HIPK3: variants seen among roughly 807,000 people sequenced by gnomAD.
The protein encoded by HIPK3 is homeodomain interacting protein kinase 3.
A neutral mutation model predicts 124.2 loss-of-function variants in HIPK3; 47 were observed. The ratio of observed to expected loss-of-function variants is 0.38; its 90% CI spans 0.30 to 0.48. The LOEUF (loss-of-function observed/expected upper bound fraction) is 0.48. Ranked by LOEUF, HIPK3 falls within the 20% of genes least tolerant of loss-of-function variation. The pLI, the probability that HIPK3 is intolerant of heterozygous loss-of-function variation, is 0.98. For synonymous variants in HIPK3, 482 were observed against 515.2 expected, an observed-to-expected ratio of 0.94 and a Z score of 0.87; for missense variants, 1,286 against 1,454.3, an observed-to-expected ratio of 0.88 and a Z score of 1.88.
At chr11:33,320,718 A>G (rs753396139) in intron 2 of HIPK3, among the ~76,000 whole-genome samples, 3 of 152,206 alleles carry the variant, frequency 2.0e-5, no homozygotes, top group Non-Finnish European at 2.9e-5. Context: ...TGATTCTCAC[A>G]GGTTGTGGGC....
chr11:33,305,609 T>C (rs1852133790), intron 2 of HIPK3, among the ~76,000 whole-genome samples: 1 of 152,172 alleles, frequency 6.6e-6, no homozygotes, highest in Admixed American at 6.5e-5. Flanking sequence ...GCTAATAAAC[T>C]GCAGAGCTAT....
intron 2 of HIPK3, among the ~76,000 whole-genome samples, chr11:33,322,148 T>C (rs1480389416): frequency 5.3e-5 from 8 of 152,036 alleles, no homozygotes; most frequent in Admixed American, 3.9e-4. Flanking sequence ...TACAGGCGCT[T>C]GCCACCACAC....
At chr11:33,307,037 C>G (rs1852182112) in intron 2 of HIPK3, among the ~76,000 whole-genome samples, 1 of 150,596 alleles carries the variant, frequency 6.6e-6, no homozygotes, top group African/African-American at 2.4e-5. Context: ...CTTTCCAGTT[C>G]AAGCACTTCT....
At chr11:33,293,669 C>T (rs564149032) in intron 2 of HIPK3, among the ~76,000 whole-genome samples, 2 of 151,686 alleles carry the variant, frequency 1.3e-5, no homozygotes, top group East Asian at 1.9e-4. Flanking sequence ...CGTATACATT[C>T]ATCAGTAGAA....
intron 2 of HIPK3, among the ~76,000 whole-genome samples, chr11:33,287,914 T>C (rs1851599658): frequency 6.6e-6 from 1 of 152,160 alleles, no homozygotes; most frequent in Non-Finnish European, 1.5e-5. Context: ...TAACTGAACA[T>C]TTAGAAAAAT....
At chr11:33,283,736 G>A (rs1200936024) in intron 1 of HIPK3, among the ~76,000 whole-genome samples, 2 of 151,368 alleles carry the variant, frequency 1.3e-5, no homozygotes, top group East Asian at 1.9e-4. Context: ...GTACAGTGGC[G>A]CGATCTCGGC....
At chr11:33,294,756 C>T (rs1253016282) in intron 2 of HIPK3, among the ~76,000 whole-genome samples, 2 of 152,132 alleles carry the variant, frequency 1.3e-5, no homozygotes, top group Admixed American at 1.3e-4. Context: ...CAGTCATCAG[C>T]CACCCAGCTC....
chr11:33,329,683 G>A (rs374743395), intron 3 of HIPK3, among the ~76,000 whole-genome samples: 2 of 152,144 alleles, frequency 1.3e-5, no homozygotes, highest in African/African-American at 4.8e-5. Flanking sequence ...CCTCCTCCAT[G>A]TTCAGAATTC....
At chr11:33,277,823 ACTT>A (rs2133887091) in intron 1 of HIPK3, among the ~76,000 whole-genome samples, 1 of 152,270 alleles carries the variant, frequency 6.6e-6, no homozygotes, top group Non-Finnish European at 1.5e-5. Context: ...ATGTTGTCCT[ACTT>A]CTTTTTGCCA....
At chr11:33,260,732 C>T (rs1468695026) in intron 1 of HIPK3, among the ~76,000 whole-genome samples, 1 of 152,128 alleles carries the variant, frequency 6.6e-6, no homozygotes, top group Non-Finnish European at 1.5e-5. Flanking sequence ...CAAAGATATT[C>T]TAAGGAAATT....
At chr11:33,329,649 A>G (rs1444537103) in intron 3 of HIPK3, among the ~76,000 whole-genome samples, 3 of 152,162 alleles carry the variant, frequency 2.0e-5, no homozygotes, top group Non-Finnish European at 4.4e-5. Flanking sequence ...CTTTTAGGTT[A>G]GGTTTTCCAT....
chr11:33,349,107 TTGTA>T, intron 13 of HIPK3, 36 bp from the exon 14 acceptor site: 1 of 1,588,626 alleles, frequency 6.3e-7, no homozygotes, highest in Non-Finnish European at 8.6e-7. Flanking sequence ...GAGTATCTTC[TTGTA>T]TTTGACTCAT....
At chr11:33,275,348 T>C (rs767706341) in intron 1 of HIPK3, among the ~76,000 whole-genome samples, 1 of 152,068 alleles carries the variant, frequency 6.6e-6, no homozygotes, top group Non-Finnish European at 1.5e-5. Flanking sequence ...AATGAAATGG[T>C]TTAGTATTAT....
chr11:33,341,770 G>A, intron 8 of HIPK3, 84 bp downstream of exon 8: 2 of 1,315,436 alleles, frequency 1.5e-6, no homozygotes, highest in Non-Finnish European at 2.1e-6. Context: ...TAAATATATT[G>A]TATAATTTTT....
intron 8 of HIPK3, among the ~76,000 whole-genome samples, chr11:33,343,245 TTTTGTGTGTGTGTGTGTG>T (rs1590189314): frequency 1.6e-5 from 2 of 121,786 alleles, no homozygotes; most frequent in East Asian, 4.6e-4. Flanking sequence ...GATTATTTGA[TTTTGTGTGTGTGTGTGTG>T]TGTGTGTGTG....
intron 2 of HIPK3, among the ~76,000 whole-genome samples, chr11:33,322,052 T>G (rs1173127534): frequency 1.3e-5 from 2 of 152,082 alleles, no homozygotes; most frequent in African/African-American, 4.8e-5. Flanking sequence ...CAGACTGGAG[T>G]GCAGTGGCGC....
intron 2 of HIPK3, among the ~76,000 whole-genome samples, chr11:33,288,532 A>G (rs1851616010): frequency 6.6e-6 from 1 of 152,214 alleles, no homozygotes; most frequent in Non-Finnish European, 1.5e-5. Context: ...AACCAGTTTT[A>G]TTATGTTCTA....
chr11:33,347,527 A>G (rs1853532258), intron 9 of HIPK3, 102 bp from the exon 10 acceptor site: 4 of 1,569,118 alleles, frequency 2.5e-6, no homozygotes, highest in Non-Finnish European at 3.5e-6. Context: ...TAATGTTTAT[A>G]ATTGTTAGCT....
chr11:33,269,065 T>C (rs1174044667), intron 1 of HIPK3, among the ~76,000 whole-genome samples: 1 of 152,190 alleles, frequency 6.6e-6, no homozygotes, highest in Non-Finnish European at 1.5e-5. Context: ...ATTACTATTA[T>C]AAAAGGAGTC....
Sources: gnomAD v4.1 joint callset for allele counts (sites outside exome capture counted in the v4.1 genomes callset) on GRCh38, gnomAD v4.1.1 for gene constraint, MANE v1.5 for transcripts, NCBI Gene and HGNC (gene_info 2026-07-23, HGNC 2026-07-21) for gene names.